Variants in SHLD2 observed in about 807,000 individuals in gnomAD.
The protein encoded by SHLD2 is RINN1-REV7-interacting novel NHEJ regulator 2.
SHLD2 carries 30 observed loss-of-function variants against 73.2 expected under a neutral mutation model. The observed-to-expected ratio is 0.41, with a 90% CI of 0.31 to 0.56. The LOEUF (loss-of-function observed/expected upper bound fraction) is 0.56, where lower values mean the gene tolerates loss of function less well. Among genes scored for constraint, SHLD2 ranks in the 20% least tolerant of loss-of-function variants. SHLD2 has a pLI of 0.28. For missense variants in SHLD2, 745 were observed against 1,055.9 expected, an observed-to-expected ratio of 0.71 and a Z score of 4.08; for synonymous variants, 285 against 370.1, an observed-to-expected ratio of 0.77 and a Z score of 2.64.
chr10:87,177,547 C>T (rs1288647046), intron 7 of SHLD2, among the ~76,000 whole-genome samples: 1 of 152,268 alleles, frequency 6.6e-6, no homozygotes, highest in African/African-American at 2.4e-5. Context: ...TTATGTTCAG[C>T]TATGAGGGCT....
intron 2 of SHLD2, among the ~76,000 whole-genome samples, chr10:87,102,961 C>T (rs1042387297): frequency 6.6e-6 from 1 of 151,696 alleles, no homozygotes; most frequent in African/African-American, 2.4e-5. Context: ...CCTGTAATCC[C>T]AGCACTTTGG....
chr10:87,166,840 T>G (rs1847234958), intron 4 of SHLD2, among the ~76,000 whole-genome samples: 1 of 152,134 alleles, frequency 6.6e-6, no homozygotes, highest in South Asian at 2.1e-4. Flanking sequence ...GTAACTGAGA[T>G]GGTGTGGTTT....
intron 2 of SHLD2, among the ~76,000 whole-genome samples, chr10:87,123,874 T>C (rs1005948704): frequency 5.9e-5 from 9 of 152,246 alleles, no homozygotes; most frequent in African/African-American, 2.2e-4. Context: ...CATACAGGGC[T>C]CCTGCTTTGC....
intron 2 of SHLD2, among the ~76,000 whole-genome samples, chr10:87,138,293 A>G (rs747889719): frequency 6.9e-4 from 105 of 151,924 alleles, no homozygotes; most frequent in Non-Finnish European, 1.3e-3. Context: ...AGCGAGACTC[A>G]GTCTCAAAAA....
intron 4 of SHLD2, among the ~76,000 whole-genome samples, chr10:87,162,104 G>T (rs1393216815): frequency 6.6e-6 from 1 of 151,738 alleles, no homozygotes. Context: ...ACAACAAACA[G>T]TAATAAACAC....
chr10:87,180,129 C>A lies in SHLD2; in HGVS notation c.2225C>A (p.Ser742Tyr), dbSNP rs1408858755. Residue 742 changes from serine (S) to tyrosine (Y), a missense_variant, in exon 8 of 10, where the codon TCT becomes TAT. By Grantham distance (144) the Ser-to-Tyr change is moderately radical (BLOSUM62 -2). This residue lies in a region of SHLD2 where 418 missense variants were observed against 567.8 expected (regional missense o/e 0.74). Coordinates refer to ENST00000298786, the MANE Select transcript of SHLD2 (RefSeq NM_001330112.2). The part of the protein sequence containing the change: ...ISELAFPITA[S>Y]QKIALNAHSS... Reference sequence around the variant, plus strand: ...GAGCTGGCATTTCCTATTACAGCATCTCAGAAGATAGCGCTAAATGCTCAC... The same window carrying A: ...GAGCTGGCATTTCCTATTACAGCATATCAGAAGATAGCGCTAAATGCTCAC... The A allele has an allele frequency of 4.3e-6, 7 of 1,613,886 alleles. No homozygotes were observed. Among genetic ancestry groups the A allele is most frequent in the Non-Finnish European group, 5.9e-6 (7 of 1,179,846 alleles).
chr10:87,137,460 A>G (rs1480226584), intron 2 of SHLD2, among the ~76,000 whole-genome samples: 1 of 152,148 alleles, frequency 6.6e-6, no homozygotes, highest in African/African-American at 2.4e-5. Context: ...TGGGCTTAAC[A>G]GTTTATGGAC....
At chr10:87,166,328 A>C (rs186189702) in intron 4 of SHLD2, among the ~76,000 whole-genome samples, 2,806 of 115,550 alleles carry the variant, frequency 0.024, 84 homozygotes, top group African/African-American at 0.082. Context: ...TAAGATTAAC[A>C]TACAAAAGTC....
intron 4 of SHLD2, among the ~76,000 whole-genome samples, chr10:87,162,724 A>G (rs746382080): frequency 1.6e-4 from 25 of 152,202 alleles, no homozygotes; most frequent in Non-Finnish European, 3.5e-4. Flanking sequence ...AAAAAGATAT[A>G]AAAATGGCTA....
chr10:87,098,653 A>G (rs532368490), intron 2 of SHLD2, among the ~76,000 whole-genome samples: 4 of 152,328 alleles, frequency 2.6e-5, no homozygotes, highest in South Asian at 2.1e-4. Flanking sequence ...TCCAAGGAGT[A>G]TTTTAAGTAT....
chr10:87,117,520 G>T (rs1464417287), intron 2 of SHLD2, among the ~76,000 whole-genome samples: 2 of 151,072 alleles, frequency 1.3e-5, no homozygotes, highest in South Asian at 2.1e-4. Flanking sequence ...TAGGCTGGGC[G>T]TGGTGGCTCA....
intron 4 of SHLD2, among the ~76,000 whole-genome samples, chr10:87,163,054 G>A (rs2134450273): frequency 6.6e-6 from 1 of 152,012 alleles, no homozygotes; most frequent in Admixed American, 6.5e-5. Flanking sequence ...GTTTATAATT[G>A]CAAAATATAT....
intron 3 of SHLD2, 31 bp downstream of exon 3, chr10:87,152,910 T>C (rs763267188): frequency 6.4e-6 from 10 of 1,566,190 alleles, no homozygotes; most frequent in Non-Finnish European, 7.8e-6. Flanking sequence ...TGGTAGCTTA[T>C]TTTATAAAGC....
chr10:87,094,813 G>A (rs886047379), upstream of SHLD2: 4 of 1,463,034 alleles, frequency 2.7e-6, no homozygotes, highest in South Asian at 1.2e-5. This position sits in a 1 kb window ranked among gnomAD's most constrained non-coding sequence, Gnocchi z 6.6. Context: ...CGAAACAGGC[G>A]CGCTTTCTCA....
Position 87,180,276 on chromosome 10 carries a change from C to A in SHLD2, c.2372C>A (p.Pro791Gln). The A allele has an allele frequency of 1.2e-6, 2 of 1,610,734 alleles. No individual in the cohort carries two copies. The highest frequency in any genetic ancestry group is 1.1e-5 in the South Asian group (1 of 90,746). The change falls in exon 8 of 10, where the codon CCA becomes CAA. Residue 791 changes from proline to glutamine, a missense_variant. Pro to Gln is a moderately conservative substitution (Grantham distance 76). Transcript: ENST00000298786. ...RIYKQCFSCL[P>Q]FTMKKIYYRP... ...TACAAACAATGTTTTAGCTGCTTGC[C>A]ATTTACTATGAAGAAAATATATTAT... is the stretch of plus-strand genomic sequence containing the variant.
At position 87,190,504 on chromosome 10, in the gene SHLD2, T is replaced by G. The variant is rs1849000732; in HGVS notation, c.2536T>G (p.Tyr846Asp). 1.9e-6 allele frequency: 3 copies of G among 1,611,980 alleles called. No individual in the cohort carries two copies. Among genetic ancestry groups the G allele is most frequent in the Non-Finnish European group, 2.5e-6 (3 of 1,179,820 alleles). Residue 846 changes from tyrosine to aspartate, a missense_variant, in exon 10 of 10, where the codon TAT (tyrosine) becomes GAT (aspartate). Tyr to Asp is a radical substitution (Grantham distance 160). Transcript: ENST00000298786. ...TGCAGTTCCTTCCTCAGAGATCACCTATGGGATGGTCGTGGCAGACCTGTT... is the reference window on the plus strand; with the variant it reads ...TGCAGTTCCTTCCTCAGAGATCACCGATGGGATGGTCGTGGCAGACCTGTT... Reference protein sequence around the residue: ...RVIVPSSEITYGMVVADLFHS... With the variant: ...RVIVPSSEITDGMVVADLFHS...
At chr10:87,118,802 T>C (rs1357732778) in intron 2 of SHLD2, among the ~76,000 whole-genome samples, 1 of 150,956 alleles carries the variant, frequency 6.6e-6, no homozygotes, top group Non-Finnish European at 1.5e-5. Flanking sequence ...GTTTTGCAGG[T>C]AGAGAAAATG....
At chr10:87,125,819 C>T (rs1013695442) in intron 2 of SHLD2, among the ~76,000 whole-genome samples, 6 of 148,664 alleles carry the variant, frequency 4.0e-5, no homozygotes, top group East Asian at 4.0e-4. Flanking sequence ...CCCAACTACT[C>T]GGGAGGCTGA....
intron 7 of SHLD2, among the ~76,000 whole-genome samples, chr10:87,178,486 G>C (rs1334916461): frequency 2.0e-5 from 3 of 151,682 alleles, no homozygotes; most frequent in African/African-American, 4.8e-5. Flanking sequence ...AGGCCAAGAA[G>C]AGTGGATCAC....
Sources: allele counts gnomAD v4.1 joint callset (sites outside exome capture counted in the v4.1 genomes callset), GRCh38; gene constraint gnomAD v4.1.1; regional missense constraint gnomAD v4.1.1; non-coding constraint Gnocchi (gnomAD v3.1); transcripts MANE v1.5; gene names NCBI Gene and HGNC (gene_info 2026-07-23, HGNC 2026-07-21).